LOC128462377: variants seen among roughly 807,000 people sequenced by gnomAD.
chr16:89,366,192 C>T, the LOC128462377 span, among the ~76,000 whole-genome samples: 9 of 151,322 alleles, frequency 5.9e-5, no homozygotes, highest in Admixed American at 5.3e-4. Flanking sequence ...CAGTATTCCA[C>T]GGTGTATATG....
At chr16:89,378,538 G>A in the LOC128462377 span, among the ~76,000 whole-genome samples, 3 of 152,152 alleles carry the variant, frequency 2.0e-5, no homozygotes, top group African/African-American at 7.2e-5. Context: ...CTAAATGTAC[G>A]TGCTATAAGG....
chr16:89,340,777 C>G, the LOC128462377 span, among the ~76,000 whole-genome samples: 4 of 152,148 alleles, frequency 2.6e-5, no homozygotes, highest in African/African-American at 9.7e-5. Flanking sequence ...GCACAAGGGC[C>G]CAGAGAGCTC....
At chr16:89,340,342 A>T in the LOC128462377 span, among the ~76,000 whole-genome samples, 1 of 152,246 alleles carries the variant, frequency 6.6e-6, no homozygotes, top group East Asian at 1.9e-4. Context: ...CAGTGGCACC[A>T]TCTCGGCTCA....
the LOC128462377 span, among the ~76,000 whole-genome samples, chr16:89,408,655 C>A: frequency 6.6e-6 from 1 of 152,086 alleles, no homozygotes; most frequent in Non-Finnish European, 1.5e-5. Flanking sequence ...AGCCCCTCCT[C>A]GCACCCCCTG....
chr16:89,389,814 A>G, the LOC128462377 span, among the ~76,000 whole-genome samples: 2 of 145,312 alleles, frequency 1.4e-5, no homozygotes, highest in Non-Finnish European at 3.0e-5. Flanking sequence ...ACCGAGAGAG[A>G]AGATCACTAG....
chr16:89,384,879 C>CTTTTTCTTTTTTTTTTTTTT, the LOC128462377 span, among the ~76,000 whole-genome samples: 2 of 49,942 alleles, frequency 4.0e-5, no homozygotes, highest in African/African-American at 1.6e-4. Context: ...AAATAGTTTT[C>CTTTTTCTTTTTTTTTTTTTT]TTTTTTTTTT....
At chr16:89,357,612 C>T in the LOC128462377 span, among the ~76,000 whole-genome samples, 1 of 152,206 alleles carries the variant, frequency 6.6e-6, no homozygotes, top group Non-Finnish European at 1.5e-5. Context: ...ACAGCAAACC[C>T]GAGTGTCCCC....
At chr16:89,395,927 C>T in the LOC128462377 span, 6 of 152,200 alleles carry the variant, frequency 3.9e-5, no homozygotes, top group African/African-American at 1.4e-4. Context: ...CATGACAAAA[C>T]AAGTATGCAC....
chr16:89,381,331 C>CAA, the LOC128462377 span, among the ~76,000 whole-genome samples: 452 of 76,198 alleles, frequency 5.9e-3, 3 homozygotes, highest in Non-Finnish European at 8.2e-3. Context: ...GACTCTGCTG[C>CAA]AAAAAAAAAA....
the LOC128462377 span, among the ~76,000 whole-genome samples, chr16:89,339,407 T>G: frequency 7.9e-5 from 12 of 152,160 alleles, no homozygotes; most frequent in African/African-American, 2.9e-4. Flanking sequence ...CTGGGAAAGC[T>G]GGTCGGTAGC....
the LOC128462377 span, among the ~76,000 whole-genome samples, chr16:89,410,975 C>T: frequency 1.3e-5 from 2 of 152,228 alleles, no homozygotes; most frequent in Non-Finnish European, 2.9e-5. Context: ...GGCTGCCCGG[C>T]CTCCACAGGC....
the LOC128462377 span, among the ~76,000 whole-genome samples, chr16:89,372,100 G>C: frequency 6.6e-6 from 1 of 152,216 alleles, no homozygotes; most frequent in African/African-American, 2.4e-5. Context: ...CCACCACGGC[G>C]GGCACCCGGC....
At chr16:89,383,013 C>G in the LOC128462377 span, among the ~76,000 whole-genome samples, 3 of 152,112 alleles carry the variant, frequency 2.0e-5, no homozygotes, top group African/African-American at 7.2e-5. Flanking sequence ...GCTTGTAAAG[C>G]GTAACTTTTA....
chr16:89,334,978 G>A, the LOC128462377 span, among the ~76,000 whole-genome samples: 2 of 152,120 alleles, frequency 1.3e-5, no homozygotes, highest in Admixed American at 6.5e-5. Flanking sequence ...AGGTCCAGGA[G>A]GAGATCCCAC....
At chr16:89,415,878 C>T in the LOC128462377 span, among the ~76,000 whole-genome samples, 1 of 132,290 alleles carries the variant, frequency 7.6e-6, no homozygotes, top group African/African-American at 2.7e-5. Flanking sequence ...CAGTGAGGTC[C>T]TCAGGAGGCC....
At chr16:89,396,848 G>A in the LOC128462377 span, among the ~76,000 whole-genome samples, 4 of 152,008 alleles carry the variant, frequency 2.6e-5, no homozygotes, top group South Asian at 2.1e-4. Context: ...CACCACACCC[G>A]GCTAATTTTT....
chr16:89,342,645 A>C, the LOC128462377 span, among the ~76,000 whole-genome samples: 6 of 152,330 alleles, frequency 3.9e-5, no homozygotes, highest in Non-Finnish European at 8.8e-5. Context: ...CCCAAGTATG[A>C]GCTGACATTC....
the LOC128462377 span, among the ~76,000 whole-genome samples, chr16:89,387,250 T>C: frequency 6.6e-6 from 1 of 150,520 alleles, no homozygotes; most frequent in Non-Finnish European, 1.5e-5. Context: ...AAAGCATCTC[T>C]CAAGGGAGAG....
the LOC128462377 span, among the ~76,000 whole-genome samples, chr16:89,418,102 T>C: frequency 2.0e-5 from 3 of 152,228 alleles, no homozygotes; most frequent in Non-Finnish European, 4.4e-5. Flanking sequence ...AATCCAAAAA[T>C]GCTTACCTGT....
Sources: allele counts gnomAD v4.1 joint callset (sites outside exome capture counted in the v4.1 genomes callset), GRCh38; gene constraint gnomAD v4.1.1; transcripts MANE v1.5.